Variants in ANKS1B observed in about 807,000 individuals in gnomAD.
ANKS1B encodes the protein ankyrin repeat and sterile alpha motif domain containing 1B.
In ANKS1B, 36 loss-of-function variants were observed where a neutral mutation model predicts 148.3. The observed-to-expected ratio is 0.24, with a 90% CI of 0.19 to 0.32. The LOEUF is 0.32. ANKS1B is among the 10% of genes least tolerant of loss of function. The pLI, the probability that ANKS1B is intolerant of heterozygous loss-of-function variation, is 1.00. For missense variants in ANKS1B, 1,157 were observed against 1,542.6 expected, an observed-to-expected ratio of 0.75 and a Z score of 4.19; for synonymous variants, 542 against 560.8, an observed-to-expected ratio of 0.97 and a Z score of 0.47.
chr12:99,981,644 A>G (rs2095703698), intron 1 of ANKS1B, among the ~76,000 whole-genome samples: 2 of 152,104 alleles, frequency 1.3e-5, no homozygotes, highest in Non-Finnish European at 2.9e-5. Flanking sequence ...CAGATTTTCA[A>G]ATCTTTGCCA....
intron 17 of ANKS1B, among the ~76,000 whole-genome samples, chr12:99,003,429 T>C (rs1008615683): frequency 6.6e-6 from 1 of 152,198 alleles, no homozygotes; most frequent in African/African-American, 2.4e-5. Flanking sequence ...GTAGTGTGGA[T>C]ACTTCCACAA....
At chr12:99,857,649 A>G (rs1182160121) in intron 1 of ANKS1B, among the ~76,000 whole-genome samples, 1 of 152,202 alleles carries the variant, frequency 6.6e-6, no homozygotes, top group East Asian at 1.9e-4. Flanking sequence ...CTAAAAGGCA[A>G]TAGTCACCAA....
At chr12:98,742,753 T>A (rs1346714634), downstream of ANKS1B, among the ~76,000 whole-genome samples, 1 of 152,210 alleles carries the variant, frequency 6.6e-6, no homozygotes, top group Non-Finnish European at 1.5e-5. Flanking sequence ...CCGGTTTCTG[T>A]GGGAAGCAGG....
intron 12 of ANKS1B, among the ~76,000 whole-genome samples, chr12:99,299,859 G>A (rs1323820560): frequency 6.6e-6 from 1 of 152,046 alleles, no homozygotes; most frequent in Non-Finnish European, 1.5e-5. Flanking sequence ...TGCCTGCACA[G>A]TTCCAGTGAT....
intron 17 of ANKS1B, among the ~76,000 whole-genome samples, chr12:99,034,304 C>A (rs539487822): frequency 2.0e-5 from 3 of 152,158 alleles, no homozygotes; most frequent in Non-Finnish European, 4.4e-5. Flanking sequence ...GAAAAGAGAA[C>A]TGAGCACCTT....
intron 14 of ANKS1B, among the ~76,000 whole-genome samples, chr12:99,187,296 TAGCAAGAC>T (rs2079998158): frequency 6.6e-6 from 1 of 151,938 alleles, no homozygotes; most frequent in Non-Finnish European, 1.5e-5. Flanking sequence ...TTCCCCAACC[TAGCAAGAC>T]AGGCCAACAT....
chr12:99,323,593 C>A (rs1368487704), intron 12 of ANKS1B, among the ~76,000 whole-genome samples: 2 of 152,170 alleles, frequency 1.3e-5, no homozygotes, highest in Non-Finnish European at 2.9e-5. Flanking sequence ...TATTTTTTAA[C>A]CTTTAATGAC....
chr12:99,764,959 GGA>G (rs1452132106), intron 8 of ANKS1B, among the ~76,000 whole-genome samples: 1 of 152,136 alleles, frequency 6.6e-6, no homozygotes, highest in Non-Finnish European at 1.5e-5. Flanking sequence ...CAGATGAAGA[GGA>G]GAGACTAGAA....
chr12:99,420,344 G>A (rs1594450350), intron 11 of ANKS1B, among the ~76,000 whole-genome samples: 1 of 152,170 alleles, frequency 6.6e-6, no homozygotes, highest in Non-Finnish European at 1.5e-5. Context: ...TAATAAATAT[G>A]TTAGTAGGTA....
chr12:99,308,870 G>A (rs1316183036), intron 12 of ANKS1B, among the ~76,000 whole-genome samples: 5 of 149,536 alleles, frequency 3.3e-5, no homozygotes, highest in Non-Finnish European at 7.4e-5. Flanking sequence ...TTGTTATTAT[G>A]TAGGAAGAAT....
At position 99,515,754 on chromosome 12, in the gene ANKS1B, A is replaced by T. The variant is rs148293257; in HGVS notation, c.1273-11113T>A. On this transcript the variant is annotated intron_variant, in intron 9 of 26. Coordinates refer to ENST00000683438, the MANE Select transcript of ANKS1B (RefSeq NM_001352186.2). ...CTTTTTAGTTTTTTGAGGAACCTCCAAACTGTTCTCCTCACATTCCCACCA... is the reference window on the plus strand; with the variant it reads ...CTTTTTAGTTTTTTGAGGAACCTCCTAACTGTTCTCCTCACATTCCCACCA... Among the ~76,000 whole-genome samples the T allele has an allele frequency of 3.5e-3, 525 of 152,058 alleles. 6 individuals are homozygous for T. Among genetic ancestry groups the T allele is most frequent in the African/African-American group, 0.011 (439 of 41,548 alleles).
intron 17 of ANKS1B, among the ~76,000 whole-genome samples, chr12:98,977,105 G>C (rs1353288278): frequency 6.6e-6 from 1 of 152,192 alleles, no homozygotes; most frequent in Non-Finnish European, 1.5e-5. Context: ...GTTAGCAAAA[G>C]AGACAGCATC....
At chr12:99,040,892 G>T (rs565734139) in intron 17 of ANKS1B, among the ~76,000 whole-genome samples, 6 of 152,268 alleles carry the variant, frequency 3.9e-5, no homozygotes, top group African/African-American at 1.4e-4. Context: ...GATAGCAAAG[G>T]CATAGCCAGG....
At chr12:99,297,922 T>C (rs944779468) in intron 12 of ANKS1B, among the ~76,000 whole-genome samples, 33 of 152,102 alleles carry the variant, frequency 2.2e-4, no homozygotes, top group African/African-American at 8.0e-4. Flanking sequence ...TTTTGCTTTG[T>C]TTTTAATTAA....
intron 10 of ANKS1B, among the ~76,000 whole-genome samples, chr12:99,481,532 A>G (rs1023693738): frequency 6.6e-6 from 1 of 151,792 alleles, no homozygotes; most frequent in African/African-American, 2.4e-5. Context: ...TCATATAATG[A>G]CTTCTTTTCC....
Position 99,400,828 on chromosome 12 carries a change from T to TGTGTTAG in ANKS1B, c.1576-1018_1576-1017insCTAACAC. ...AACTTTTGGTTTACTAATGTTTTTA[T>TGTGTTAG]TACCCTTAAATATGTGTTAATCCCT... is the stretch of plus-strand genomic sequence containing the variant. On this transcript the variant is annotated intron_variant, in intron 11 of 26. Transcript: ENST00000683438. 2.1e-5 allele frequency among the ~76,000 whole-genome samples: 3 copies of TGTGTTAG among 145,524 alleles called. No individual in the cohort carries two copies. The South Asian group carries it at 6.3e-4, about 31-fold the overall frequency.
intron 15 of ANKS1B, among the ~76,000 whole-genome samples, chr12:99,146,606 T>C (rs1015678230): frequency 2.0e-5 from 3 of 152,152 alleles, no homozygotes; most frequent in Non-Finnish European, 2.9e-5. Flanking sequence ...GTCAGACTCC[T>C]GAAGGTTGGA....
At chr12:98,865,747 TCA>T (rs2099621139) in intron 17 of ANKS1B, among the ~76,000 whole-genome samples, 1 of 152,072 alleles carries the variant, frequency 6.6e-6, no homozygotes, top group Admixed American at 6.6e-5. Flanking sequence ...AGGGAGGGAC[TCA>T]CACAGATATC....
chr12:99,789,787 C>T (rs181563654), intron 4 of ANKS1B, among the ~76,000 whole-genome samples: 73 of 151,938 alleles, frequency 4.8e-4, no homozygotes, highest in Middle Eastern at 3.4e-3. Context: ...CCAAACGCAC[C>T]CAATCTCATC....
Sources: allele counts gnomAD v4.1 joint callset (sites outside exome capture counted in the v4.1 genomes callset), GRCh38; gene constraint gnomAD v4.1.1; transcripts MANE v1.5; gene names NCBI Gene and HGNC (gene_info 2026-07-23, HGNC 2026-07-21).